Variants in HFM1 observed in about 807,000 individuals in gnomAD.
HFM1 encodes the protein probable ATP-dependent DNA helicase HFM1.
In HFM1, 169 loss-of-function variants were observed where a neutral mutation model predicts 192.1. The observed-to-expected ratio is 0.88, with a 90% confidence interval of 0.78 to 1.00. The LOEUF (loss-of-function observed/expected upper bound fraction) is 1.00, where lower values mean the gene tolerates loss of function less well. HFM1 is among the 50% of genes least tolerant of loss of function. The pLI is 0.00. For missense variants in HFM1, 1,661 were observed against 1,668.0 expected (o/e 1.00, Z 0.07); for synonymous variants, 525 against 537.8 (o/e 0.98, Z 0.33).
At chr1:91,383,259 A>G (rs1400457915) in intron 6 of HFM1, among the ~76,000 whole-genome samples, 1 of 152,202 alleles carries the variant, frequency 6.6e-6, no homozygotes, top group African/African-American at 2.4e-5. Context: ...GTGTCATATT[A>G]TGGAAAGGCT....
At chr1:91,264,361 A>ATTTATTTTTTTTTTTTTT (rs1665483482) in intron 36 of HFM1, among the ~76,000 whole-genome samples, 1 of 57,058 alleles carries the variant, frequency 1.8e-5, no homozygotes, top group Admixed American at 2.6e-4. Context: ...CAAATTTAGT[A>ATTTATTTTTTTTTTTTTT]TTTTTTTTTT....
chr1:91,392,027 A>C (rs1663058686), intron 4 of HFM1, among the ~76,000 whole-genome samples: 2 of 152,158 alleles, frequency 1.3e-5, no homozygotes, highest in Non-Finnish European at 1.5e-5. Context: ...CAGAGAAATG[A>C]AAATCAAAAC....
chr1:91,321,666 C>A (rs189261647), intron 23 of HFM1, among the ~76,000 whole-genome samples: 1 of 152,130 alleles, frequency 6.6e-6, no homozygotes, highest in South Asian at 2.1e-4. Context: ...CCATCCCACA[C>A]GTACACACAT....
chr1:91,293,518 A>G (rs1209276988), intron 30 of HFM1, among the ~76,000 whole-genome samples: 3 of 150,680 alleles, frequency 2.0e-5, no homozygotes, highest in Non-Finnish European at 4.5e-5. Context: ...CACACCAGTT[A>G]GAATGGCAAT....
chr1:91,270,486 A>G (rs921228145), intron 34 of HFM1, among the ~76,000 whole-genome samples: 3 of 152,038 alleles, frequency 2.0e-5, no homozygotes, highest in Non-Finnish European at 4.4e-5. Flanking sequence ...TGGGAGATAC[A>G]GCTTTAGAAA....
At chr1:91,314,085 G>C (rs376885028) in intron 28 of HFM1, 25 bp from the exon 29 acceptor site, 2 of 1,383,780 alleles carry the variant, frequency 1.4e-6, no homozygotes, top group Non-Finnish European at 1.0e-6. Context: ...AGTTTAAATA[G>C]TGATCCAAAC....
intron 36 of HFM1, among the ~76,000 whole-genome samples, chr1:91,264,024 CTA>C (rs1220732688): frequency 6.6e-6 from 1 of 152,118 alleles, no homozygotes; most frequent in Non-Finnish European, 1.5e-5. Context: ...TCCGTTTATT[CTA>C]TGTCACTCAA....
In HFM1 at chr1:91,351,548, C is replaced by G; in HGVS notation, c.2072+1G>C. ...CTTTTTGGAACTTTTTTTTATACTA[C>G]CTGCTTTCTACAGTGTCTCTACAAG... On this transcript the variant is annotated splice_donor_variant, in intron 17 of 38. Transcript: ENST00000370425. LOFTEE classifies it high-confidence loss of function. The G allele has an allele frequency of 6.6e-7, 1 of 1,509,740 alleles. No individual in the cohort carries two copies. Among genetic ancestry groups the G allele is most frequent in the East Asian group, 2.4e-5 (1 of 42,234 alleles). 93.5% of individuals were successfully genotyped at this position (1,509,740 alleles called of 1,614,324 possible).
At chr1:91,385,351 C>T in intron 5 of HFM1, 117 bp from the exon 6 acceptor site, 1 of 782,842 alleles carries the variant, frequency 1.3e-6, no homozygotes, top group Non-Finnish European at 2.1e-6. Flanking sequence ...ATAAAACTAA[C>T]ACAACTTTTT....
chr1:91,398,841 T>C (rs1663977110), intron 2 of HFM1, among the ~76,000 whole-genome samples: 1 of 152,042 alleles, frequency 6.6e-6, no homozygotes, highest in South Asian at 2.1e-4. Flanking sequence ...TACAGGCATA[T>C]ACCACCATGT....
intron 6 of HFM1, among the ~76,000 whole-genome samples, chr1:91,383,848 T>C (rs760757728): frequency 3.3e-5 from 5 of 152,176 alleles, no homozygotes; most frequent in African/African-American, 9.7e-5. Context: ...TGAGAGGCGA[T>C]AGATACATTA....
chr1:91,278,480 G>A (rs1464831575), intron 30 of HFM1, among the ~76,000 whole-genome samples: 1 of 152,140 alleles, frequency 6.6e-6, no homozygotes, highest in African/African-American at 2.4e-5. Flanking sequence ...GCAAATCACC[G>A]ATTGTAAGAG....
chr1:91,273,415 T>G (rs924583486), intron 34 of HFM1, among the ~76,000 whole-genome samples: 1 of 152,098 alleles, frequency 6.6e-6, no homozygotes, highest in African/African-American at 2.4e-5. Context: ...ATTCAGTATG[T>G]TAATACTCTA....
chr1:91,320,523 G>A (rs72968484), intron 23 of HFM1, among the ~76,000 whole-genome samples: 70 of 152,296 alleles, frequency 4.6e-4, no homozygotes, highest in African/African-American at 1.6e-3. Flanking sequence ...CAAATGTGGA[G>A]TAAGAAATTG....
In HFM1 at chr1:91,276,990, T is replaced by C. The variant is rs751605402; in HGVS notation, c.3464A>G (p.His1155Arg). The change falls in exon 31 of 39, where the codon CAT becomes CGT. Residue 1155 changes from histidine to arginine, a missense_variant. Coordinates refer to ENST00000370425, the MANE Select transcript of HFM1 (RefSeq NM_001017975.6). Reference protein sequence around the residue: ...HLCKSKHTCGHDCCKIGVAQK... With the variant: ...HLCKSKHTCGRDCCKIGVAQK... Reference sequence around the variant, plus strand: ...TGTTTTAAGGAACTCACAGCAGTCATGTCCACATGTATGTTTACTTTTACA... The same window carrying C: ...TGTTTTAAGGAACTCACAGCAGTCACGTCCACATGTATGTTTACTTTTACA... The C allele has an allele frequency of 6.3e-7, 1 of 1,585,590 alleles. No homozygotes were observed. The highest frequency in any genetic ancestry group is 1.2e-5 in the South Asian group (1 of 85,266).
intron 20 of HFM1, chr1:91,328,544 A>C: frequency 1.8e-5 from 29 of 1,612,666 alleles, no homozygotes; most frequent in Non-Finnish European, 2.5e-5. Context: ...GTGCTGCAGA[A>C]CGAGGAGGGT....
At chr1:91,378,277 G>T in intron 10 of HFM1, 94 bp from the exon 11 acceptor site, 5 of 1,273,692 alleles carry the variant, frequency 3.9e-6, no homozygotes, top group Non-Finnish European at 5.5e-6. Context: ...TCTTGCTTGA[G>T]AAAATGAGCA....
Position 91,323,126 on chromosome 1 carries a change from G to C in HFM1, c.2501C>G (p.Thr834Ser). ...TATCCGATTTGGATCTTTGTTCAAAGTATTCAGTGTTTTCTTTTCATTTAT... is the reference window on the plus strand; with the variant it reads ...TATCCGATTTGGATCTTTGTTCAAACTATTCAGTGTTTTCTTTTCATTTAT... Reference protein sequence around the residue: ...LRINEKKTLNTLNKDPNRITI... With the variant: ...LRINEKKTLNSLNKDPNRITI... The change falls in exon 22 of 39, where the codon ACT (threonine) becomes AGT (serine). Residue 834 changes from threonine to serine, a missense_variant. Transcript: ENST00000370425. 2 of 1,588,346 alleles carry C rather than the reference G, an allele frequency of 1.3e-6. No individual in the cohort carries two copies. Among genetic ancestry groups the C allele is most frequent in the Non-Finnish European group, 1.7e-6 (2 of 1,161,526 alleles).
chr1:91,356,312 C>T (rs773887299), intron 13 of HFM1, among the ~76,000 whole-genome samples: 4 of 150,746 alleles, frequency 2.7e-5, no homozygotes, highest in Non-Finnish European at 4.4e-5. Context: ...GGCATGATCT[C>T]GGCTCACTGC....
Sources: gnomAD v4.1 joint callset for allele counts (sites outside exome capture counted in the v4.1 genomes callset) on GRCh38, gnomAD v4.1.1 for gene constraint, MANE v1.5 for transcripts, NCBI Gene and HGNC (gene_info 2026-07-23, HGNC 2026-07-21) for gene names.